Variants in PACRG observed in about 807,000 individuals in gnomAD.
PACRG encodes parkin coregulated.
Under a neutral mutation model 29.7 loss-of-function variants are expected in PACRG, and 29 were observed. The observed-to-expected ratio is 0.98, with a 90% CI of 0.73 to 1.33. The LOEUF is 1.33. Among genes scored for constraint, PACRG ranks in the 40% most tolerant of loss-of-function variants. PACRG has a pLI of 0.00. For synonymous variants in PACRG, 116 were observed against 118.7 expected (o/e 0.98, Z 0.15); for missense variants, 279 against 316.2 (o/e 0.88, Z 0.89).
chr6:162,759,490 T>C (rs540527790), intron 1 of PACRG, among the ~76,000 whole-genome samples: 27 of 152,366 alleles, frequency 1.8e-4, no homozygotes, highest in Admixed American at 1.4e-3. Flanking sequence ...CATCTCACAA[T>C]GTTGAAAGAA....
intron 3 of PACRG, among the ~76,000 whole-genome samples, chr6:163,082,618 G>A (rs1168767220): frequency 1.3e-5 from 2 of 152,084 alleles, no homozygotes; most frequent in Admixed American, 6.6e-5. Context: ...TTCTGTTAGC[G>A]TCTCAGTACA....
At chr6:163,068,392 T>C (rs1811739860) in intron 3 of PACRG, among the ~76,000 whole-genome samples, 1 of 152,104 alleles carries the variant, frequency 6.6e-6, no homozygotes, top group Non-Finnish European at 1.5e-5. Context: ...TTTCTAGTCA[T>C]TTGCCTGTGA....
Position 163,221,950 on chromosome 6 carries a change from C to T in PACRG, c.614-92877C>T, listed in dbSNP as rs1005231609. On this transcript the variant is annotated intron_variant, in intron 4 of 4. Transcript: ENST00000366888. ...GCAGCTCTGGGATCTATAAAATCTGCTAGAAGGTATGAGAATACAGACAGG... is the reference window on the plus strand; with the variant it reads ...GCAGCTCTGGGATCTATAAAATCTGTTAGAAGGTATGAGAATACAGACAGG... Among the ~76,000 whole-genome samples, 5 of 152,246 alleles carry T rather than the reference C, an allele frequency of 3.3e-5. No homozygotes were observed. The East Asian group carries it at 9.6e-4, about 29-fold the overall frequency.
chr6:162,850,465 G>C (rs1266467277), intron 2 of PACRG, among the ~76,000 whole-genome samples: 1 of 152,208 alleles, frequency 6.6e-6, no homozygotes, highest in Non-Finnish European at 1.5e-5. Flanking sequence ...AGCATGACTA[G>C]AGTGTTGGAA....
intron 2 of PACRG, among the ~76,000 whole-genome samples, chr6:162,862,576 A>AG (rs1791954964): frequency 1.3e-5 from 2 of 152,258 alleles, no homozygotes; most frequent in Admixed American, 1.3e-4. Flanking sequence ...CCATCTTTAT[A>AG]AACTGGGAGT....
chr6:163,244,774 C>T (rs745945131), intron 4 of PACRG, among the ~76,000 whole-genome samples: 112 of 152,146 alleles, frequency 7.4e-4, no homozygotes, highest in Non-Finnish European at 9.0e-4. Flanking sequence ...TAAAAGTGAG[C>T]AGTACTAAAA....
At chr6:162,792,886 A>G (rs1044764286) in intron 1 of PACRG, among the ~76,000 whole-genome samples, 2 of 152,016 alleles carry the variant, frequency 1.3e-5, no homozygotes, top group Non-Finnish European at 2.9e-5. Context: ...GCCAGAATGC[A>G]AAATGAGAGG....
At chr6:163,298,767 A>C (rs752908069) in intron 4 of PACRG, among the ~76,000 whole-genome samples, 5 of 152,170 alleles carry the variant, frequency 3.3e-5, no homozygotes, top group Non-Finnish European at 5.9e-5. Flanking sequence ...AGATGCCATA[A>C]CTCAGTGAAA....
intron 2 of PACRG, among the ~76,000 whole-genome samples, chr6:163,017,184 C>G (rs1806190613): frequency 6.6e-6 from 1 of 152,034 alleles, no homozygotes; most frequent in Non-Finnish European, 1.5e-5. Flanking sequence ...AAGCTAATCA[C>G]AAGTCATGAC....
At chr6:163,201,756 A>G (rs1780709263) in intron 4 of PACRG, among the ~76,000 whole-genome samples, 1 of 152,238 alleles carries the variant, frequency 6.6e-6, no homozygotes, top group Non-Finnish European at 1.5e-5. Flanking sequence ...GTACATGGTA[A>G]GAGCATGGTG....
At chr6:162,861,775 C>T (rs910938056) in intron 2 of PACRG, among the ~76,000 whole-genome samples, 1 of 152,164 alleles carries the variant, frequency 6.6e-6, no homozygotes, top group African/African-American at 2.4e-5. Context: ...TAAAGTTATG[C>T]TCACTATAAT....
chr6:163,055,975 G>A lies in PACRG; in HGVS notation c.292-6175G>A, dbSNP rs960211314. On this transcript the variant is annotated intron_variant, in intron 2 of 4. Coordinates refer to ENST00000366888, the MANE Select transcript of PACRG (RefSeq NM_001080379.2). The surrounding 1 kb of genome is among the most constrained non-coding windows in gnomAD (Gnocchi z 4.0). Reference sequence around the variant, plus strand: ...ACTGTCCTCCTTCGCTTAGGAAAATGTTTTCAAGGTTCATTCATGTTGTGT... The same window carrying A: ...ACTGTCCTCCTTCGCTTAGGAAAATATTTTCAAGGTTCATTCATGTTGTGT... Among the ~76,000 whole-genome samples the A allele has an allele frequency of 2.0e-5, 3 of 152,172 alleles. No homozygotes were observed. The highest frequency in any genetic ancestry group is 4.8e-5 in the African/African-American group (2 of 41,444).
intron 2 of PACRG, among the ~76,000 whole-genome samples, chr6:162,842,296 T>C (rs1789858699): frequency 7.2e-6 from 1 of 137,978 alleles, no homozygotes; most frequent in Non-Finnish European, 1.6e-5. Context: ...TGGGTGCATA[T>C]ATATTTAGGA....
chr6:163,140,383 G>A lies in PACRG; in HGVS notation c.613+50975G>A, dbSNP rs567379856. On this transcript the variant is annotated intron_variant, in intron 4 of 4. Transcript: ENST00000366888. ...GTAGAGAGGATGAGAGTCTCCCTGT[G>A]GGGTGGAGTACCAGGCCAGGCCTGC... Among the ~76,000 whole-genome samples, 235 of 152,198 alleles carry A rather than the reference G, an allele frequency of 1.5e-3. 1 individual carries two copies. The highest frequency in any genetic ancestry group is 5.5e-3 in the African/African-American group (227 of 41,548).
chr6:162,911,186 T>C (rs957357811), intron 2 of PACRG, among the ~76,000 whole-genome samples: 78 of 152,360 alleles, frequency 5.1e-4, no homozygotes, highest in African/African-American at 1.7e-3. Flanking sequence ...TTTACATTCA[T>C]TTATTTCTGC....
chr6:162,922,561 TC>T (rs1021144758), intron 2 of PACRG, among the ~76,000 whole-genome samples: 2 of 151,694 alleles, frequency 1.3e-5, no homozygotes, highest in Non-Finnish European at 2.9e-5. Context: ...CCTCCTTATT[TC>T]CCCCCATCCC....
intron 4 of PACRG, among the ~76,000 whole-genome samples, chr6:163,138,919 A>G (rs1286368122): frequency 2.0e-5 from 3 of 152,164 alleles, no homozygotes; most frequent in Non-Finnish European, 4.4e-5. Context: ...CATTCCATAC[A>G]TCATTTCTAG....
chr6:163,007,515 G>C (rs1161707968), intron 2 of PACRG, among the ~76,000 whole-genome samples: 1 of 152,070 alleles, frequency 6.6e-6, no homozygotes, highest in African/African-American at 2.4e-5. Flanking sequence ...TTTTGAAAGT[G>C]AGACACCCTA....
rs566629239 is a variant in PACRG, at chr6:163,223,603, T to C, written c.614-91224T>C. Among the ~76,000 whole-genome samples the C allele has an allele frequency of 4.4e-4, 67 of 152,070 alleles. No homozygotes were observed. In the South Asian group the frequency reaches 0.014, roughly 31 times the overall value. On this transcript the variant is annotated intron_variant, in intron 4 of 4. Transcript: ENST00000366888. ...ACTGTAATGCACAGGAAAAAGTAAATGCTATAAAAGAAGAAGCCTAAATCA... is the reference window on the plus strand; with the variant it reads ...ACTGTAATGCACAGGAAAAAGTAAACGCTATAAAAGAAGAAGCCTAAATCA...
Sources: gnomAD v4.1 joint callset for allele counts (sites outside exome capture counted in the v4.1 genomes callset) on GRCh38, gnomAD v4.1.1 for gene constraint, Gnocchi (gnomAD v3.1) non-coding constraint, MANE v1.5 for transcripts, NCBI Gene and HGNC (gene_info 2026-07-23, HGNC 2026-07-21) for gene names.